The following ATXN1 variants were observed in gnomAD, a reference collection of about 807,000 sequenced individuals.
The protein encoded by ATXN1 is ataxin 1, also known as ataxin-1.
In ATXN1, 8 loss-of-function variants were observed where a neutral mutation model predicts 56.4. The ratio of observed to expected loss-of-function variants is 0.14; its 90% CI spans 0.08 to 0.26. The LOEUF is 0.26. ATXN1 is among the 10% of genes least tolerant of loss of function. The pLI, the probability that ATXN1 is intolerant of heterozygous loss-of-function variation, is 1.00. For missense variants in ATXN1, 987 were observed against 1,106.5 expected (o/e 0.89, Z 1.53); for synonymous variants, 514 against 494.6 (o/e 1.04, Z -0.52).
At chr6:16,756,923 G>C (rs1051661658) in intron 1 of ATXN1, among the ~76,000 whole-genome samples, 2 of 152,136 alleles carry the variant, frequency 1.3e-5, no homozygotes, top group Non-Finnish European at 2.9e-5. Flanking sequence ...GTGCAAAAAA[G>C]TAAAATCCAC....
intron 6 of ATXN1, among the ~76,000 whole-genome samples, chr6:16,446,152 T>C (rs1391287394): frequency 6.6e-6 from 1 of 151,042 alleles, no homozygotes; most frequent in African/African-American, 2.4e-5. Context: ...AGTGTAAAAG[T>C]GTTCCTATTT....
At chr6:16,625,581 C>T (rs1017154822) in intron 3 of ATXN1, among the ~76,000 whole-genome samples, 4 of 152,152 alleles carry the variant, frequency 2.6e-5, no homozygotes, top group Admixed American at 6.5e-5. Flanking sequence ...TACATTTATT[C>T]AGCAAATATT....
At position 16,301,330 on chromosome 6, in the gene ATXN1, A is replaced by G. The variant is rs571709996; in HGVS notation, c.*4999T>C. ...GAAAAGATCCTATCATCAGTAAGGTAACGTATTTGAAGCGAGGTCATCTAT... is the reference window on the plus strand; with the variant it reads ...GAAAAGATCCTATCATCAGTAAGGTGACGTATTTGAAGCGAGGTCATCTAT... On this transcript the variant is annotated 3_prime_UTR_variant, in exon 8 of 8. Transcript: ENST00000436367. 5.2e-5 allele frequency: 8 copies of G among 152,748 alleles called. 1 individual carries two copies. The highest frequency in any genetic ancestry group is 1.7e-4 in the African/African-American group (7 of 41,584). The allele number at this position is 152,748 out of a possible 1,614,324, so 9.5% of individuals were successfully genotyped here.
At chr6:16,455,460 T>C (rs1211869342) in intron 6 of ATXN1, among the ~76,000 whole-genome samples, 2 of 152,220 alleles carry the variant, frequency 1.3e-5, no homozygotes, top group Non-Finnish European at 2.9e-5. Flanking sequence ...TCTCAAGTCA[T>C]TGCGGGTGGG....
At chr6:16,720,262 T>G (rs1407197511) in intron 2 of ATXN1, among the ~76,000 whole-genome samples, 1 of 152,156 alleles carries the variant, frequency 6.6e-6, no homozygotes, top group African/African-American at 2.4e-5. Context: ...AAGAATCCCC[T>G]TCGCCCCTGC....
At chr6:16,664,809 G>A (rs575300253) in intron 2 of ATXN1, among the ~76,000 whole-genome samples, 1 of 151,852 alleles carries the variant, frequency 6.6e-6, no homozygotes, top group East Asian at 1.9e-4. Context: ...AGGACCCCAA[G>A]GAACTTTTCA....
At chr6:16,425,912 T>C (rs1205370075) in intron 6 of ATXN1, among the ~76,000 whole-genome samples, 10 of 152,124 alleles carry the variant, frequency 6.6e-5, no homozygotes, top group Non-Finnish European at 1.2e-4. Context: ...ATAAGCATGA[T>C]GACATTAGAA....
intron 6 of ATXN1, among the ~76,000 whole-genome samples, chr6:16,336,759 T>C (rs536712327): frequency 3.9e-5 from 6 of 152,134 alleles, no homozygotes; most frequent in East Asian, 1.9e-4. Context: ...CTGGGGGTGG[T>C]TGGGTCAGGG....
At chr6:16,743,862 G>A (rs977798637) in intron 2 of ATXN1, among the ~76,000 whole-genome samples, 13 of 152,154 alleles carry the variant, frequency 8.5e-5, no homozygotes, top group Non-Finnish European at 1.9e-4. Flanking sequence ...GAAGTGCGAT[G>A]GGACCGACGT....
At chr6:16,477,240 G>C (rs994847811) in intron 6 of ATXN1, among the ~76,000 whole-genome samples, 1 of 152,252 alleles carries the variant, frequency 6.6e-6, no homozygotes, top group African/African-American at 2.4e-5. Context: ...GGCTTCCACA[G>C]AGAAGTGGCC....
intron 2 of ATXN1, among the ~76,000 whole-genome samples, chr6:16,732,314 TA>T (rs753824263): frequency 2.6e-5 from 4 of 152,142 alleles, no homozygotes; most frequent in African/African-American, 4.8e-5. Context: ...CTCACGCCTG[TA>T]ATCCCAGCAC....
intron 3 of ATXN1, among the ~76,000 whole-genome samples, chr6:16,613,699 T>C (rs1390805649): frequency 6.6e-6 from 1 of 151,838 alleles, no homozygotes; most frequent in Admixed American, 6.6e-5. Flanking sequence ...CATAGTGGCA[T>C]GCACCTGCAG....
intron 3 of ATXN1, among the ~76,000 whole-genome samples, chr6:16,636,573 G>A (rs909787): frequency 0.59 from 90,079 of 152,118 alleles, 26,683 homozygotes; most frequent in African/African-American, 0.63. Context: ...ACTGTCATTC[G>A]CCCTGAATAG....
chr6:16,568,538 A>G (rs1164159986), intron 4 of ATXN1, among the ~76,000 whole-genome samples: 1 of 152,252 alleles, frequency 6.6e-6, no homozygotes, highest in Non-Finnish European at 1.5e-5. Context: ...AGGCAAAAAG[A>G]GCTATAGAGC....
At chr6:16,741,199 T>C (rs1054241997) in intron 2 of ATXN1, among the ~76,000 whole-genome samples, 2 of 152,244 alleles carry the variant, frequency 1.3e-5, no homozygotes, top group African/African-American at 2.4e-5. Context: ...GCAGTCATTA[T>C]GACTATCCAC....
rs535301955 is a variant in ATXN1 at position 16,446,014 on chromosome 6, T to C, written c.-161+39958A>G. ...TGCATGTGTCTTTATTGCAGCATGA[T>C]TTATAGTCCTTTGGGTATATACCCA... On this transcript the variant is annotated intron_variant, in intron 6 of 7. Coordinates refer to ENST00000436367, the MANE Select transcript of ATXN1 (RefSeq NM_001128164.2). Among the ~76,000 whole-genome samples the C allele has an allele frequency of 8.0e-4, 121 of 152,154 alleles. 1 individual carries two copies. In the South Asian group the frequency reaches 0.025, roughly 31 times the overall value.
At chr6:16,655,810 C>A (rs1581335808) in intron 3 of ATXN1, among the ~76,000 whole-genome samples, 1 of 151,924 alleles carries the variant, frequency 6.6e-6, no homozygotes, top group East Asian at 1.9e-4. Flanking sequence ...TTACTGCGGG[C>A]CGGGTGCAGT....
intron 4 of ATXN1, among the ~76,000 whole-genome samples, chr6:16,570,023 C>T (rs948803410): frequency 3.9e-5 from 6 of 152,144 alleles, no homozygotes; most frequent in African/African-American, 4.8e-5. Flanking sequence ...CCAAGTTATC[C>T]GTAACACCAT....
intron 2 of ATXN1, among the ~76,000 whole-genome samples, chr6:16,676,043 G>A (rs1758654556): frequency 6.6e-6 from 1 of 152,126 alleles, no homozygotes; most frequent in African/African-American, 2.4e-5. Flanking sequence ...CATTATGAAT[G>A]AAAACATCAA....
Sources: allele counts gnomAD v4.1 joint callset (sites outside exome capture counted in the v4.1 genomes callset), GRCh38; gene constraint gnomAD v4.1.1; transcripts MANE v1.5; gene names NCBI Gene and HGNC (gene_info 2026-07-23, HGNC 2026-07-21).